Variants in RABGAP1L observed in about 807,000 individuals in gnomAD.
RABGAP1L encodes RAB GTPase activating protein 1 like, also known as rab GTPase-activating protein 1-like.
RABGAP1L carries 63 observed loss-of-function variants against 137.7 expected under a neutral mutation model. That is an observed-to-expected ratio of 0.46 (90% CI 0.37 to 0.56). The LOEUF (loss-of-function observed/expected upper bound fraction) is 0.56. Ranked by LOEUF, RABGAP1L falls within the 20% of genes least tolerant of loss-of-function variation. RABGAP1L has a pLI of 0.00. For missense variants in RABGAP1L, 1,095 were observed against 1,244.0 expected, an observed-to-expected ratio of 0.88 and a Z score of 1.80; for synonymous variants, 431 against 433.7, an observed-to-expected ratio of 0.99 and a Z score of 0.08.
rs541521818 is a variant in RABGAP1L, at chr1:174,750,208, T to C, written c.2170-2105T>C. On this transcript the variant is annotated intron_variant, in intron 17 of 25. Coordinates refer to ENST00000681986, the MANE Select transcript of RABGAP1L (RefSeq NM_001366446.1). ...ATGTGATGCTATACTTAGAATCACG[T>C]TGGAATTTGGTATCTTATTGCTACA... Among the ~76,000 whole-genome samples, 3 of 152,244 alleles carry C rather than the reference T, an allele frequency of 2.0e-5. No individual in the cohort carries two copies. The South Asian group carries it at 6.2e-4, about 32-fold the overall frequency.
intron 11 of RABGAP1L, among the ~76,000 whole-genome samples, chr1:174,312,936 C>T (rs1361264246): frequency 1.3e-5 from 2 of 152,166 alleles, no homozygotes; most frequent in Non-Finnish European, 2.9e-5. Context: ...TGGGTTCTCT[C>T]TTCAGTTCCA....
chr1:174,389,911 G>A (rs1687086570), intron 12 of RABGAP1L, among the ~76,000 whole-genome samples: 1 of 152,198 alleles, frequency 6.6e-6, no homozygotes, highest in Non-Finnish European at 1.5e-5. Flanking sequence ...CTTGTTTCTA[G>A]GGTAGAGTTC....
intron 13 of RABGAP1L, among the ~76,000 whole-genome samples, chr1:174,399,651 G>A (rs1409334628): frequency 6.6e-6 from 1 of 152,112 alleles, no homozygotes; most frequent in Non-Finnish European, 1.5e-5. Context: ...AAGGAAAGAG[G>A]TTTAATTGAC....
intron 21 of RABGAP1L, among the ~76,000 whole-genome samples, chr1:174,973,381 TTTC>T (rs201420981): frequency 3.5e-5 from 5 of 141,708 alleles, no homozygotes; most frequent in Non-Finnish European, 6.3e-5. Context: ...TTTTCTTTCA[TTTC>T]TTTTTTTTTT....
intron 4 of RABGAP1L, chr1:174,238,810 C>T (rs12091012): frequency 0.29 from 43,169 of 150,094 alleles, 6,548 homozygotes; most frequent in African/African-American, 0.36. Context: ...TTCGAGCTTC[C>T]CGGCTGCTTT....
chr1:174,632,368 G>A (rs1305534699), intron 13 of RABGAP1L, among the ~76,000 whole-genome samples: 2 of 146,116 alleles, frequency 1.4e-5, no homozygotes, highest in African/African-American at 2.7e-5. Flanking sequence ...AGAATTATGT[G>A]TCTTGGAGTT....
intron 3 of RABGAP1L, among the ~76,000 whole-genome samples, chr1:174,225,103 C>T (rs1670065166): frequency 6.6e-6 from 1 of 152,102 alleles, no homozygotes; most frequent in Non-Finnish European, 1.5e-5. Context: ...ATACCGTTCT[C>T]ACAATTCCTT....
At chr1:174,826,996 G>A (rs1446624319) in intron 19 of RABGAP1L, among the ~76,000 whole-genome samples, 3 of 152,218 alleles carry the variant, frequency 2.0e-5, no homozygotes, top group Non-Finnish European at 2.9e-5. Context: ...AAGGTTAGAA[G>A]TCCAAGATCA....
At chr1:174,890,457 G>A (rs1655940158) in intron 19 of RABGAP1L, among the ~76,000 whole-genome samples, 2 of 152,158 alleles carry the variant, frequency 1.3e-5, no homozygotes, top group African/African-American at 4.8e-5. Context: ...ATTGAATAAA[G>A]GAATGGTGGA....
chr1:174,586,152 A>G (rs1669096813), intron 13 of RABGAP1L, among the ~76,000 whole-genome samples: 1 of 152,220 alleles, frequency 6.6e-6, no homozygotes, highest in South Asian at 2.1e-4. Context: ...AGACTGGGTA[A>G]AGAAAATGTG....
intron 18 of RABGAP1L, among the ~76,000 whole-genome samples, chr1:174,773,163 G>GGTGGGTGTGTGTGTGT (rs1686257052): frequency 6.7e-6 from 1 of 149,548 alleles, no homozygotes; most frequent in Non-Finnish European, 1.5e-5. Context: ...TAAGCTATGG[G>GGTGGGTGTGTGTGTGT]GTGTGTGTGT....
At chr1:174,512,749 T>C (rs1211004917) in intron 13 of RABGAP1L, among the ~76,000 whole-genome samples, 1 of 152,164 alleles carries the variant, frequency 6.6e-6, no homozygotes, top group Non-Finnish European at 1.5e-5. Flanking sequence ...CTGGGTGCAC[T>C]GGGGGAGGCC....
intron 11 of RABGAP1L, among the ~76,000 whole-genome samples, chr1:174,321,008 CTT>C (rs1017122380): frequency 1.2e-4 from 18 of 152,102 alleles, no homozygotes; most frequent in East Asian, 9.6e-4. Context: ...TTGCTGAACT[CTT>C]TTTCTCAGCA....
At chr1:174,945,736 G>C (rs1373281448) in intron 19 of RABGAP1L, 1 of 152,144 alleles carries the variant, frequency 6.6e-6, no homozygotes, top group Non-Finnish European at 1.5e-5. Context: ...AAAGAAACAA[G>C]GAAGTATAGG....
chr1:174,682,305 C>CATAT (rs142554174), intron 14 of RABGAP1L, among the ~76,000 whole-genome samples: 1,542 of 146,972 alleles, frequency 0.01, 30 homozygotes, highest in African/African-American at 0.037. Flanking sequence ...TCTATACATA[C>CATAT]ATATATATAT....
chr1:174,965,332 G>A (rs1453766188), intron 20 of RABGAP1L, among the ~76,000 whole-genome samples: 1 of 152,196 alleles, frequency 6.6e-6, no homozygotes, highest in Non-Finnish European at 1.5e-5. Flanking sequence ...TACAGCATGT[G>A]AATTTCTCTG....
intron 13 of RABGAP1L, among the ~76,000 whole-genome samples, chr1:174,411,747 G>C (rs1227121992): frequency 1.3e-5 from 2 of 152,076 alleles, no homozygotes; most frequent in African/African-American, 4.8e-5. Context: ...TTACCCAAAA[G>C]TCATTCAGGA....
intron 13 of RABGAP1L, among the ~76,000 whole-genome samples, chr1:174,582,708 T>C (rs1160918455): frequency 6.6e-6 from 1 of 151,968 alleles, no homozygotes; most frequent in Non-Finnish European, 1.5e-5. Flanking sequence ...TTCAGTGGAG[T>C]GTTGAGGGTA....
At chr1:174,339,970 C>CT (rs1192483137) in intron 11 of RABGAP1L, among the ~76,000 whole-genome samples, 2 of 151,940 alleles carry the variant, frequency 1.3e-5, no homozygotes, top group Admixed American at 6.6e-5. Flanking sequence ...GTGACTATGA[C>CT]TTTTTGTATT....
Sources: gnomAD v4.1 joint callset for allele counts (sites outside exome capture counted in the v4.1 genomes callset) on GRCh38, gnomAD v4.1.1 for gene constraint, MANE v1.5 for transcripts, NCBI Gene and HGNC (gene_info 2026-07-23, HGNC 2026-07-21) for gene names.